LOC128092252: variants seen among roughly 807,000 people sequenced by gnomAD.
the LOC128092252 span, among the ~76,000 whole-genome samples, chr15:50,672,550 C>G: frequency 3.3e-5 from 5 of 151,812 alleles, no homozygotes; most frequent in Admixed American, 3.3e-4. Context: ...CCTAGGCTAA[C>G]GTGTATATTT....
At chr15:50,654,019 T>C in the LOC128092252 span, among the ~76,000 whole-genome samples, 1 of 151,972 alleles carries the variant, frequency 6.6e-6, no homozygotes, top group African/African-American at 2.4e-5. Flanking sequence ...AAAATAGAAG[T>C]AGAACTGCCC....
chr15:50,679,351 A>C, the LOC128092252 span, among the ~76,000 whole-genome samples: 3 of 150,414 alleles, frequency 2.0e-5, no homozygotes, highest in Admixed American at 1.3e-4. Flanking sequence ...ACAAAACAGA[A>C]AACTTGGACG....
chr15:50,679,520 ATATATATATATATATATATT>A, the LOC128092252 span, among the ~76,000 whole-genome samples: 123 of 18,758 alleles, frequency 6.6e-3, 2 homozygotes, highest in African/African-American at 0.015. Flanking sequence ...TAATATATAT[ATATATATATATATATATATT>A]TTTTTTTTTT....
the LOC128092252 span, among the ~76,000 whole-genome samples, chr15:50,674,593 G>A: frequency 6.6e-6 from 1 of 152,084 alleles, no homozygotes; most frequent in African/African-American, 2.4e-5. Flanking sequence ...TATGGTATTA[G>A]AGTATTCTAA....
the LOC128092252 span, among the ~76,000 whole-genome samples, chr15:50,680,141 G>A: frequency 1.3e-5 from 2 of 152,108 alleles, no homozygotes; most frequent in African/African-American, 4.8e-5. Context: ...GGCTGACAGA[G>A]GAGAATCACT....
the LOC128092252 span, among the ~76,000 whole-genome samples, chr15:50,653,874 G>T: frequency 6.6e-6 from 1 of 152,080 alleles, no homozygotes; most frequent in Non-Finnish European, 1.5e-5. Flanking sequence ...GTCTGTGAAC[G>T]GGGTCCTAAA....
At chr15:50,684,014 G>C in the LOC128092252 span, among the ~76,000 whole-genome samples, 1 of 151,668 alleles carries the variant, frequency 6.6e-6, no homozygotes, top group African/African-American at 2.4e-5. Flanking sequence ...TGCCCATCAC[G>C]ACGCCCTGCT....
At chr15:50,649,559 C>T in the LOC128092252 span, among the ~76,000 whole-genome samples, 4 of 151,996 alleles carry the variant, frequency 2.6e-5, no homozygotes, top group Non-Finnish European at 5.9e-5. Context: ...AGTGAAAGAA[C>T]CTAGACACCA....
chr15:50,672,857 C>T, the LOC128092252 span, among the ~76,000 whole-genome samples: 4,004 of 134,650 alleles, frequency 0.03, 211 homozygotes, highest in African/African-American at 0.11. Flanking sequence ...TTGCAGTGAG[C>T]CACTGCACTC....
At chr15:50,666,209 G>A in the LOC128092252 span, among the ~76,000 whole-genome samples, 77 of 152,086 alleles carry the variant, frequency 5.1e-4, no homozygotes, top group Non-Finnish European at 1.2e-4. Context: ...CAAGAAGCCA[G>A]GCAGATCACT....
At chr15:50,683,059 A>AT in the LOC128092252 span, among the ~76,000 whole-genome samples, 6 of 150,892 alleles carry the variant, frequency 4.0e-5, no homozygotes, top group African/African-American at 9.7e-5. Context: ...ATGTTTTTTT[A>AT]TTTTTTTTGG....
chr15:50,674,333 T>C, the LOC128092252 span, among the ~76,000 whole-genome samples: 291 of 152,230 alleles, frequency 1.9e-3, no homozygotes, highest in Non-Finnish European at 3.7e-3. Context: ...GGTTTCACCA[T>C]GTTGGTCAGG....
At chr15:50,652,073 C>T in the LOC128092252 span, among the ~76,000 whole-genome samples, 1 of 151,676 alleles carries the variant, frequency 6.6e-6, no homozygotes, top group African/African-American at 2.4e-5. Flanking sequence ...TGGCTCATGC[C>T]TGTAATCCCA....
chr15:50,654,510 A>G, the LOC128092252 span, among the ~76,000 whole-genome samples: 1 of 151,456 alleles, frequency 6.6e-6, no homozygotes, highest in Admixed American at 6.6e-5. Flanking sequence ...CACCAGAAAC[A>G]GACCCTAAAT....
the LOC128092252 span, among the ~76,000 whole-genome samples, chr15:50,682,865 C>A: frequency 5.3e-5 from 8 of 151,796 alleles, no homozygotes; most frequent in Non-Finnish European, 8.8e-5. Flanking sequence ...CCTAAACTAA[C>A]CTCAACCACT....
the LOC128092252 span, among the ~76,000 whole-genome samples, chr15:50,671,584 G>A: frequency 3.3e-5 from 5 of 152,084 alleles, no homozygotes; most frequent in African/African-American, 1.2e-4. Context: ...GGAGATGAGA[G>A]GACTGCTTGA....
At chr15:50,655,202 A>G in the LOC128092252 span, among the ~76,000 whole-genome samples, 2 of 151,426 alleles carry the variant, frequency 1.3e-5, no homozygotes, top group Non-Finnish European at 2.9e-5. Context: ...TTGGGTGGCC[A>G]AGGCGGGCGA....
At chr15:50,678,551 CA>C in the LOC128092252 span, among the ~76,000 whole-genome samples, 3 of 148,190 alleles carry the variant, frequency 2.0e-5, no homozygotes, top group South Asian at 6.4e-4. Flanking sequence ...TACACACACA[CA>C]CACATATACA....
At chr15:50,674,859 C>T in the LOC128092252 span, among the ~76,000 whole-genome samples, 1 of 152,116 alleles carries the variant, frequency 6.6e-6, no homozygotes, top group African/African-American at 2.4e-5. Context: ...ATATCATCCC[C>T]TCTACTACAT....
Sources: gnomAD v4.1 joint callset for allele counts (sites outside exome capture counted in the v4.1 genomes callset) on GRCh38, gnomAD v4.1.1 for gene constraint, MANE v1.5 for transcripts.